The following DLG2 variants were observed in gnomAD, a reference collection of about 807,000 sequenced individuals.
DLG2 encodes the protein disks large homolog 2.
A neutral mutation model predicts 132.5 loss-of-function variants in DLG2; 45 were observed. That is an observed-to-expected ratio of 0.34 (90% CI 0.27 to 0.44). The LOEUF (loss-of-function observed/expected upper bound fraction) is 0.44, where lower values mean the gene tolerates loss of function less well. Ranked by LOEUF, DLG2 falls within the 20% of genes least tolerant of loss-of-function variation. DLG2 has a pLI of 1.00. For synonymous variants in DLG2, 424 were observed against 419.6 expected (o/e 1.01, Z -0.13); for missense variants, 1,045 against 1,196.9 (o/e 0.87, Z 1.87).
At chr11:85,403,717 G>T (rs763988250) in intron 3 of DLG2, among the ~76,000 whole-genome samples, 1 of 151,864 alleles carries the variant, frequency 6.6e-6, no homozygotes, top group Non-Finnish European at 1.5e-5. Flanking sequence ...CTTTAAGCAG[G>T]ATGATGGCAT....
At chr11:84,635,848 G>A (rs2099639686) in intron 6 of DLG2, among the ~76,000 whole-genome samples, 4 of 151,834 alleles carry the variant, frequency 2.6e-5, no homozygotes, top group African/African-American at 9.7e-5. Flanking sequence ...TAACATCTGT[G>A]CTCTTAGCCA....
At chr11:83,942,602 C>A (rs552739734) in intron 14 of DLG2, among the ~76,000 whole-genome samples, 1 of 152,076 alleles carries the variant, frequency 6.6e-6, no homozygotes, top group African/African-American at 2.4e-5. Flanking sequence ...AGTTTGATGC[C>A]AATTTTGTAA....
At chr11:84,673,896 G>A (rs1201652335) in intron 6 of DLG2, among the ~76,000 whole-genome samples, 1 of 152,110 alleles carries the variant, frequency 6.6e-6, no homozygotes, top group South Asian at 2.1e-4. Context: ...CACAGGGACA[G>A]CAAACAAATG....
At chr11:84,737,828 TG>T (rs1463105216) in intron 6 of DLG2, among the ~76,000 whole-genome samples, 2 of 151,908 alleles carry the variant, frequency 1.3e-5, no homozygotes, top group African/African-American at 4.8e-5. Context: ...AGATCAGATA[TG>T]GGGGAAATTC....
chr11:84,212,890 C>G (rs1015837445), intron 8 of DLG2, among the ~76,000 whole-genome samples: 1 of 152,220 alleles, frequency 6.6e-6, no homozygotes, highest in African/African-American at 2.4e-5. Context: ...GATCACCTGA[C>G]TTCGTGATCC....
chr11:83,480,281 A>G (rs1481520848), intron 22 of DLG2: 17 of 1,018,628 alleles, frequency 1.7e-5, no homozygotes, highest in Non-Finnish European at 2.5e-5. Flanking sequence ...AAAGGTAGCA[A>G]TTGAAAAACA....
intron 19 of DLG2, among the ~76,000 whole-genome samples, chr11:83,570,809 T>G (rs1044897156): frequency 2.6e-5 from 4 of 152,052 alleles, no homozygotes; most frequent in African/African-American, 7.3e-5. Flanking sequence ...TCTGAAGAAC[T>G]TCAGGTAAAT....
Position 85,129,634 on chromosome 11 carries a change from G to T in DLG2, c.283-17899C>A, listed in dbSNP as rs114852156. On this transcript the variant is annotated intron_variant, in intron 5 of 27. Transcript: ENST00000376104. ...GTGGAAGTGTAAATTCAACCATTGTGGAAGACAGTGTGGCAATTGTTCAAG... is the reference window on the plus strand; with the variant it reads ...GTGGAAGTGTAAATTCAACCATTGTTGAAGACAGTGTGGCAATTGTTCAAG... Among the ~76,000 whole-genome samples the T allele has an allele frequency of 7.0e-3, 1,059 of 152,272 alleles. 7 individuals carry two copies. Among genetic ancestry groups the T allele is most frequent in the African/African-American group, 0.024 (1,010 of 41,552 alleles).
chr11:84,386,472 T>C (rs954275878), intron 7 of DLG2, among the ~76,000 whole-genome samples: 1 of 152,116 alleles, frequency 6.6e-6, no homozygotes, highest in Non-Finnish European at 1.5e-5. Context: ...ATATTAGTCA[T>C]CATTCTTCCT....
At chr11:84,360,729 G>C (rs1356330641) in intron 7 of DLG2, among the ~76,000 whole-genome samples, 3 of 151,900 alleles carry the variant, frequency 2.0e-5, no homozygotes, top group African/African-American at 7.2e-5. Flanking sequence ...CAGAGAGTCA[G>C]AGAGGTACAA....
At chr11:85,466,029 T>A (rs926047445) in intron 3 of DLG2, among the ~76,000 whole-genome samples, 1 of 152,170 alleles carries the variant, frequency 6.6e-6, no homozygotes, top group African/African-American at 2.4e-5. Flanking sequence ...CTCATTGTGG[T>A]TTTGATTTGC....
At chr11:84,159,762 T>G (rs929040309) in intron 9 of DLG2, among the ~76,000 whole-genome samples, 1 of 152,102 alleles carries the variant, frequency 6.6e-6, no homozygotes, top group Non-Finnish European at 1.5e-5. Context: ...TGGAAGCTAT[T>G]ATGGTTGTTG....
intron 7 of DLG2, among the ~76,000 whole-genome samples, chr11:84,433,854 T>C (rs560535246): frequency 8.5e-5 from 13 of 152,260 alleles, no homozygotes; most frequent in African/African-American, 2.9e-4. Flanking sequence ...TGGTGGCTCA[T>C]GCCTGTAATC....
At chr11:84,384,164 G>C (rs539717981) in intron 7 of DLG2, among the ~76,000 whole-genome samples, 1 of 150,414 alleles carries the variant, frequency 6.6e-6, no homozygotes, top group Non-Finnish European at 1.5e-5. Context: ...AGCTGGAAGT[G>C]TATTTATTGA....
At chr11:85,362,498 C>A (rs936304300) in intron 3 of DLG2, among the ~76,000 whole-genome samples, 2 of 151,964 alleles carry the variant, frequency 1.3e-5, no homozygotes, top group African/African-American at 2.4e-5. Context: ...TTTATCGAAT[C>A]TCAGAGTTTT....
intron 6 of DLG2, chr11:85,021,160 T>C: frequency 1.1e-6 from 1 of 872,868 alleles, no homozygotes; most frequent in African/African-American, 1.6e-5. Flanking sequence ...CCGCTGCCCA[T>C]TCTTAGAATT....
rs58158905 is a variant in DLG2 at position 85,122,971 on chromosome 11, T to TATATATATATA, written c.283-11237_283-11236insTATATATATAT. Among the ~76,000 whole-genome samples the TATATATATATA allele has an allele frequency of 9.1e-4, 40 of 44,106 alleles. 1 individual carries two copies. The highest frequency in any genetic ancestry group is 3.1e-3 in the African/African-American group (34 of 11,146). The allele number at this position is 44,106 out of a possible 152,430, so 28.9% of individuals were successfully genotyped here. A position where few individuals can be genotyped will look rare whatever the true frequency, so the allele number is the denominator to read the frequency against. On this transcript the variant is annotated intron_variant, in intron 5 of 27. Transcript: ENST00000376104. ...ATATTATATATATATATATATATAT[T>TATATATATATA]TTTTTTTTTTTTTTTTTTTTTTTTG...
intron 7 of DLG2, chr11:84,273,450 CAG>C (rs2097756512): frequency 1.5e-6 from 1 of 647,876 alleles, no homozygotes; most frequent in Non-Finnish European, 1.9e-6. Flanking sequence ...ATGACTTGAA[CAG>C]AGACAGATGT....
intron 5 of DLG2, among the ~76,000 whole-genome samples, chr11:85,154,093 T>C (rs1162510228): frequency 7.3e-6 from 1 of 137,800 alleles, no homozygotes; most frequent in Non-Finnish European, 1.5e-5. Flanking sequence ...TAAGTATTCA[T>C]GAGCCCATCA....
Sources: allele counts gnomAD v4.1 joint callset (sites outside exome capture counted in the v4.1 genomes callset), GRCh38; gene constraint gnomAD v4.1.1; transcripts MANE v1.5; gene names NCBI Gene and HGNC (gene_info 2026-07-23, HGNC 2026-07-21).